The following AOPEP variants were observed in gnomAD, a reference collection of about 807,000 sequenced individuals.
The protein encoded by AOPEP is aminopeptidase O.
Under a neutral mutation model 98.1 loss-of-function variants are expected in AOPEP, and 77 were observed. That is an observed-to-expected ratio of 0.78 (90% confidence interval 0.65 to 0.95). The LOEUF (loss-of-function observed/expected upper bound fraction) is 0.95. AOPEP is among the 40% of genes least tolerant of loss of function. The probability of loss-of-function intolerance (pLI) is 0.00; values close to 1 mark genes in which losing one functional copy is unlikely to be tolerated. For synonymous variants in AOPEP, 346 were observed against 365.3 expected, an observed-to-expected ratio of 0.95 and a Z score of 0.60; for missense variants, 1,024 against 1,024.7, an observed-to-expected ratio of 1.00 and a Z score of 0.01.
At chr9:94,937,021 G>T (rs1246598756) in intron 7 of AOPEP, among the ~76,000 whole-genome samples, 1 of 152,196 alleles carries the variant, frequency 6.6e-6, no homozygotes. Context: ...ACTTTGGGGG[G>T]TTTATGGAGG....
intron 13 of AOPEP, among the ~76,000 whole-genome samples, chr9:95,047,956 T>C (rs1384197071): frequency 2.0e-5 from 3 of 152,234 alleles, no homozygotes; most frequent in Admixed American, 6.5e-5. Context: ...TTGTTTATTC[T>C]TACAGAAAGC....
intron 5 of AOPEP, among the ~76,000 whole-genome samples, chr9:94,814,675 C>T (rs990091093): frequency 6.6e-6 from 1 of 152,212 alleles, no homozygotes; most frequent in African/African-American, 2.4e-5. Context: ...GATTAGTCCT[C>T]TCAAGAGCAA....
At chr9:94,787,870 C>T (rs936814932) in intron 3 of AOPEP, among the ~76,000 whole-genome samples, 44 of 152,178 alleles carry the variant, frequency 2.9e-4, no homozygotes, top group African/African-American at 1.0e-3. Flanking sequence ...TTACCTCTTT[C>T]GGCTGATTAC....
At chr9:95,058,198 G>A (rs562270379) in intron 13 of AOPEP, among the ~76,000 whole-genome samples, 53 of 152,264 alleles carry the variant, frequency 3.5e-4, no homozygotes, top group African/African-American at 1.2e-3. Context: ...TTTTAAACTG[G>A]AGCTGTATCT....
At chr9:95,132,966 C>T in the AOPEP span, among the ~76,000 whole-genome samples, 1 of 152,226 alleles carries the variant, frequency 6.6e-6, no homozygotes, top group African/African-American at 2.4e-5. Context: ...GACCATCACA[C>T]TTTAATTACT....
intron 9 of AOPEP, among the ~76,000 whole-genome samples, chr9:94,959,511 A>G (rs2058681660): frequency 1.3e-5 from 2 of 152,172 alleles, no homozygotes; most frequent in Admixed American, 1.3e-4. Context: ...TGGACTCCCA[A>G]TTTGATTCCA....
At chr9:94,967,857 G>A (rs1015229289) in intron 10 of AOPEP, 56 bp downstream of exon 10, 1 of 1,416,990 alleles carries the variant, frequency 7.1e-7, no homozygotes, top group Admixed American at 1.7e-5. Flanking sequence ...TGTTAAAAAT[G>A]ACATTGCCAT....
At chr9:94,877,371 A>G (rs1397764354) in intron 5 of AOPEP, among the ~76,000 whole-genome samples, 1 of 151,946 alleles carries the variant, frequency 6.6e-6, no homozygotes, top group Non-Finnish European at 1.5e-5. Flanking sequence ...GCATGCGGTA[A>G]GGGTGTATAG....
At chr9:94,907,276 T>C (rs376681881) in intron 5 of AOPEP, among the ~76,000 whole-genome samples, 14 of 152,160 alleles carry the variant, frequency 9.2e-5, no homozygotes, top group African/African-American at 2.2e-4. Flanking sequence ...CAGGCATGTG[T>C]GGAGCATGTG....
At chr9:94,907,139 A>G (rs1449372033) in intron 5 of AOPEP, among the ~76,000 whole-genome samples, 1 of 152,236 alleles carries the variant, frequency 6.6e-6, no homozygotes, top group Non-Finnish European at 1.5e-5. Flanking sequence ...AAAGATGGAT[A>G]TGAAGGGCCC....
chr9:95,094,761 G>A, the AOPEP span, among the ~76,000 whole-genome samples: 1 of 152,182 alleles, frequency 6.6e-6, no homozygotes, highest in African/African-American at 2.4e-5. Flanking sequence ...TGCCTCCTGG[G>A]TTCAAGCAAT....
intron 5 of AOPEP, among the ~76,000 whole-genome samples, chr9:94,908,833 G>A (rs186504338): frequency 6.6e-6 from 1 of 152,044 alleles, no homozygotes; most frequent in Admixed American, 6.5e-5. Flanking sequence ...GCTTTCAAAT[G>A]TCAGAAGAGT....
chr9:94,964,064 C>A (rs543281314), intron 9 of AOPEP, among the ~76,000 whole-genome samples: 1 of 152,210 alleles, frequency 6.6e-6, no homozygotes, highest in Non-Finnish European at 1.5e-5. Flanking sequence ...GACCAGCTAT[C>A]TTGAATGGGA....
At chr9:95,065,185 C>T (rs1338604313) in intron 14 of AOPEP, among the ~76,000 whole-genome samples, 1 of 152,202 alleles carries the variant, frequency 6.6e-6, no homozygotes, top group Non-Finnish European at 1.5e-5. Flanking sequence ...TTTCAGGATG[C>T]TCGATGCTTT....
chr9:94,922,875 G>C (rs1341080172), intron 5 of AOPEP, among the ~76,000 whole-genome samples: 1 of 152,222 alleles, frequency 6.6e-6, no homozygotes, highest in African/African-American at 2.4e-5. Context: ...AGCTGAATGG[G>C]TGATGTTGTG....
chr9:94,761,592 A>G (rs1838312382), intron 2 of AOPEP, among the ~76,000 whole-genome samples: 2 of 152,034 alleles, frequency 1.3e-5, no homozygotes, highest in South Asian at 4.1e-4. Flanking sequence ...CCCCCAAAAC[A>G]CCTTGCAGCT....
chr9:94,809,770 A>C (rs1055426055), intron 5 of AOPEP, among the ~76,000 whole-genome samples: 1 of 152,272 alleles, frequency 6.6e-6, no homozygotes, highest in African/African-American at 2.4e-5. Context: ...TATAAAACAC[A>C]TACACAAAAT....
intron 1 of AOPEP, among the ~76,000 whole-genome samples, chr9:94,729,399 G>A (rs1340028760): frequency 1.3e-5 from 2 of 151,958 alleles, no homozygotes; most frequent in Non-Finnish European, 2.9e-5. Context: ...ATGAAATCCT[G>A]CCACTACGAA....
chr9:94,971,069 G>A (rs2059506662), intron 10 of AOPEP, among the ~76,000 whole-genome samples: 1 of 152,096 alleles, frequency 6.6e-6, no homozygotes, highest in Admixed American at 6.5e-5. Flanking sequence ...TTCCTAATAA[G>A]GTTATGGAGT....
Sources: gnomAD v4.1 joint callset for allele counts (sites outside exome capture counted in the v4.1 genomes callset) on GRCh38, gnomAD v4.1.1 for gene constraint, MANE v1.5 for transcripts, NCBI Gene and HGNC (gene_info 2026-07-23, HGNC 2026-07-21) for gene names.